Variants in RXRB observed in about 807,000 individuals in gnomAD.
The protein encoded by RXRB is retinoid X receptor beta.
A neutral mutation model predicts 52.5 loss-of-function variants in RXRB; 18 were observed. The observed-to-expected ratio is 0.34, with a 90% CI of 0.24 to 0.51. The LOEUF (loss-of-function observed/expected upper bound fraction) is 0.51. RXRB is among the 20% of genes least tolerant of loss of function. RXRB has a pLI of 0.97. For missense variants in RXRB, 455 were observed against 698.2 expected (o/e 0.65, Z 3.92); for synonymous variants, 233 against 267.1 (o/e 0.87, Z 1.25).
Position 33,197,669 on chromosome 6 carries a change from G to T in RXRB, c.820+93C>A. On this transcript the variant is annotated intron_variant, in intron 4 of 9. Transcript: ENST00000374680. The surrounding 1 kb of genome is among the most constrained non-coding windows in gnomAD (Gnocchi z 4.4). ...CAAATATCGCCCTCTAGAGGAGAGAGAGCAGTCCACCCTTCCAGAGAGGTA... is the reference window on the plus strand; with the variant it reads ...CAAATATCGCCCTCTAGAGGAGAGATAGCAGTCCACCCTTCCAGAGAGGTA... The T allele has an allele frequency of 8.6e-7, 1 of 1,162,606 alleles. No individual in the cohort carries two copies. Among genetic ancestry groups the T allele is most frequent in the South Asian group, 1.4e-5 (1 of 70,644 alleles). The allele number at this position is 1,162,606 out of a possible 1,614,324, so 72.0% of individuals were successfully genotyped here. A position where few individuals can be genotyped will look rare whatever the true frequency, so the allele number is the denominator to read the frequency against.
rs1277102011 is a variant in RXRB, at chr6:33,200,341, C to T, written c.136G>A (p.Ala46Thr). Residue 46 changes from alanine to threonine, a missense_variant, in exon 1 of 10, where the codon GCA (alanine) becomes ACA (threonine). Ala to Thr is a moderately conservative substitution (Grantham distance 58). This residue lies in a region of RXRB where 225 missense variants were observed against 258.6 expected (regional missense o/e 0.87). Coordinates refer to ENST00000374680, the MANE Select transcript of RXRB (RefSeq NM_021976.5). This position sits in a 1 kb window ranked among gnomAD's most constrained non-coding sequence, Gnocchi z 6.3. Reference protein sequence around the residue: ...WRRRRPWLDPAAAAAAAVAGG... With the variant: ...WRRRRPWLDPTAAAAAAVAGG... ...GCCACCGCCGCCGCCGCCGCCGCTGCGGGATCCAGCCAGGGCCGTCGCCGC... is the reference window on the plus strand; with the variant it reads ...GCCACCGCCGCCGCCGCCGCCGCTGTGGGATCCAGCCAGGGCCGTCGCCGC... The T allele has an allele frequency of 6.3e-7, 1 of 1,582,246 alleles. No homozygotes were observed. Among genetic ancestry groups the T allele is most frequent in the Non-Finnish European group, 8.6e-7 (1 of 1,167,266 alleles).
In RXRB at chr6:33,199,381, G is replaced by A; in HGVS notation, c.271C>T (p.Leu91Phe). ...RSPDSSSPNPLPQGVPPPSPP... is the reference protein window; with the variant it reads ...RSPDSSSPNPFPQGVPPPSPP... ...GAAGGGGGAGGGACTCCCTGGGGAA[G>A]GGGATTTGGGGAGGAGCTGTCTGGG... Residue 91 changes from leucine to phenylalanine, a missense_variant, in exon 2 of 10, where the codon CTT becomes TTT. Transcript: ENST00000374680. 1 of 1,249,994 alleles carries A rather than the reference G, an allele frequency of 8.0e-7. No individual in the cohort carries two copies. The highest frequency in any genetic ancestry group is 1.0e-6 in the Non-Finnish European group (1 of 988,310). The allele number at this position is 1,249,994 out of a possible 1,614,324, so 77.4% of individuals were successfully genotyped here. A position where few individuals can be genotyped will look rare whatever the true frequency, so the allele number is the denominator to read the frequency against.
In RXRB at chr6:33,195,939, G is replaced by A; in HGVS notation, c.1091C>T (p.Pro364Leu). The change falls in exon 6 of 10, where the codon CCT (proline) becomes CTT (leucine). Residue 364 changes from proline (P) to leucine (L), a missense_variant. Pro to Leu is a moderately conservative substitution (Grantham distance 98, BLOSUM62 -3). Coordinates refer to ENST00000374680, the MANE Select transcript of RXRB (RefSeq NM_021976.5). The surrounding 1 kb of genome is among the most constrained non-coding windows in gnomAD (Gnocchi z 8.6). ...AKRIPHFSSLPLDDQVILLRA... is the reference protein window; with the variant it reads ...AKRIPHFSSLLLDDQVILLRA... ...CAGCAATATGACCTGATCATCCAGA[G>A]GCAAGGAGGAAAAGTGTGGGATCCT... 2 of 1,612,970 alleles carry A rather than the reference G, an allele frequency of 1.2e-6. No homozygotes were observed. Among genetic ancestry groups the A allele is most frequent in the South Asian group, 1.1e-5 (1 of 91,076 alleles).
rs570121213 is a variant in RXRB at position 33,195,234 on chromosome 6, C to T, written c.1348+129G>A. On this transcript the variant is annotated intron_variant, in intron 8 of 9. Transcript: ENST00000374680. This position sits in a 1 kb window ranked among gnomAD's most constrained non-coding sequence, Gnocchi z 8.6. Reference sequence around the variant, plus strand: ...GGATCCGTGGATGTGGGTTTTTCCTCGGCCAGTTGGGAGATTTCCAGGTTG... The same window carrying T: ...GGATCCGTGGATGTGGGTTTTTCCTTGGCCAGTTGGGAGATTTCCAGGTTG... The T allele has an allele frequency of 2.8e-5, 22 of 785,986 alleles. No individual in the cohort carries two copies. Among genetic ancestry groups the T allele is most frequent in the African/African-American group, 1.7e-5 (1 of 58,816 alleles). 48.7% of individuals were successfully genotyped at this position (785,986 alleles called of 1,614,324 possible). A position where few individuals can be genotyped will look rare whatever the true frequency, so the allele number is the denominator to read the frequency against.
At position 33,193,819 on chromosome 6, in the gene RXRB, C is replaced by G. The variant is rs1429241350; in HGVS notation, c.*863G>C. On this transcript the variant is annotated 3_prime_UTR_variant, in exon 10 of 10. Coordinates refer to ENST00000374680, the MANE Select transcript of RXRB (RefSeq NM_021976.5). ...GGCCTCCGGGACTACACTCGTGAAA[C>G]CATCCCCTGTGGGGGCCCTGTCCTC... The G allele has an allele frequency of 6.6e-6, 1 of 152,234 alleles. No homozygotes were observed. Among genetic ancestry groups the G allele is most frequent in the African/African-American group, 2.4e-5 (1 of 41,440 alleles). 9.4% of individuals were successfully genotyped at this position (152,234 alleles called of 1,614,324 possible). A position where few individuals can be genotyped will look rare whatever the true frequency, so the allele number is the denominator to read the frequency against.
chr6:33,195,316 T>C lies in RXRB; in HGVS notation c.1348+47A>G, dbSNP rs769966416. The stretch of plus-strand genomic sequence containing the variant: ...TTAGGAGTCTCGGAGAAGAGGAGGC[T>C]CCAAGGTTGCCTTGGCCTTGAGAGA... On this transcript the variant is annotated intron_variant, in intron 8 of 9. Coordinates refer to ENST00000374680, the MANE Select transcript of RXRB (RefSeq NM_021976.5). This position sits in a 1 kb window ranked among gnomAD's most constrained non-coding sequence, Gnocchi z 8.6. 1 of 1,229,144 alleles carries C rather than the reference T, an allele frequency of 8.1e-7. No individual in the cohort carries two copies. The highest frequency in any genetic ancestry group is 2.3e-5 in the East Asian group (1 of 43,136). 76.1% of individuals were successfully genotyped at this position (1,229,144 alleles called of 1,614,324 possible).
intron 1 of RXRB, chr6:33,199,975 T>C (rs369405443): frequency 1.3e-6 from 1 of 755,548 alleles, no homozygotes; most frequent in Non-Finnish European, 2.4e-6. Context: ...ACGCCCAAAG[T>C]CCTGAGGTTT....
chr6:33,196,896 CTGAT>C lies in RXRB; in HGVS notation c.821-294_821-291del, dbSNP rs1181473514. Reference sequence around the variant, plus strand: ...CATGCCAAGATTCAACCTGAGAAAGCTGATTGAAAAAAAAAATTTTTTTAAATAA... The same window carrying C: ...CATGCCAAGATTCAACCTGAGAAAGCTGAAAAAAAAAATTTTTTTAAATAA... On this transcript the variant is annotated intron_variant, in intron 4 of 9. Coordinates refer to ENST00000374680, the MANE Select transcript of RXRB (RefSeq NM_021976.5). This position sits in a 1 kb window ranked among gnomAD's most constrained non-coding sequence, Gnocchi z 4.0. 2.0e-5 allele frequency among the ~76,000 whole-genome samples: 3 copies of C among 151,712 alleles called. No homozygotes were observed. Among genetic ancestry groups the C allele is most frequent in the Non-Finnish European group, 4.4e-5 (3 of 67,992 alleles).
Position 33,199,210 on chromosome 6 carries a change from G to C in RXRB, c.442C>G (p.Pro148Ala). ...GGCCCGGAGAATCCTGGGGGAGCTGGAGGGGGCAGACCAGGGGACCCCATG... is the reference window on the plus strand; with the variant it reads ...GGCCCGGAGAATCCTGGGGGAGCTGCAGGGGGCAGACCAGGGGACCCCATG... ...SSMGSPGLPP[P>A]APPGFSGPVS... Residue 148 changes from proline to alanine, a missense_variant, in exon 2 of 10, where the codon CCA becomes GCA. Physicochemically the swap from Pro to Ala is conservative, Grantham distance 27. Around this residue, in one of 4 missense-constraint regions of RXRB, gnomAD observed 225 missense variants for 258.6 expected, o/e 0.87. Transcript: ENST00000374680. The C allele has an allele frequency of 1.5e-6, 2 of 1,290,786 alleles. No individual in the cohort carries two copies. The highest frequency in any genetic ancestry group is 2.0e-6 in the Non-Finnish European group (2 of 1,012,388). 80.0% of individuals were successfully genotyped at this position (1,290,786 alleles called of 1,614,324 possible). A position where few individuals can be genotyped will look rare whatever the true frequency, so the allele number is the denominator to read the frequency against.
Position 33,195,403 on chromosome 6 carries a change from T to C in RXRB, c.1308A>G (p.Thr436=), listed in dbSNP as rs1773821549. 6.2e-7 allele frequency: 1 copy of C among 1,612,628 alleles called. No homozygotes were observed. The highest frequency in any genetic ancestry group is 1.7e-5 in the Admixed American group (1 of 60,010). ...TGATTGCCCTCAGGCAGCCAAGCTC[T>C]GTCTTGTCCATCCTCATGTCACGCA... ...SKMRDMRMDK[T]ELGCLRAIIL... is the part of the protein sequence containing the mutation. The change falls in exon 8 of 10, where the codon ACA becomes ACG. Residue 436 remains threonine (T), a synonymous_variant. Coordinates refer to ENST00000374680, the MANE Select transcript of RXRB (RefSeq NM_021976.5). The surrounding 1 kb of genome is among the most constrained non-coding windows in gnomAD (Gnocchi z 8.6).
chr6:33,198,654 C>T (rs949697160), intron 2 of RXRB, 190 bp from the exon 3 acceptor site: 6 of 710,718 alleles, frequency 8.4e-6, no homozygotes, highest in Non-Finnish European at 1.5e-5. Flanking sequence ...AACAGGCCCC[C>T]CCTGAAATTG....
rs139984085 is a variant in RXRB, at chr6:33,196,923, T to A, written c.821-317A>T. ...GATTGAAAAAAAAAATTTTTTTAAATAAAATATGCCAAGAAACATGCTAAG... is the reference window on the plus strand; with the variant it reads ...GATTGAAAAAAAAAATTTTTTTAAAAAAAATATGCCAAGAAACATGCTAAG... On this transcript the variant is annotated intron_variant, in intron 4 of 9. Transcript: ENST00000374680. This position sits in a 1 kb window ranked among gnomAD's most constrained non-coding sequence, Gnocchi z 4.0. Among the ~76,000 whole-genome samples, 696 of 152,286 alleles carry A rather than the reference T, an allele frequency of 4.6e-3. 2 individuals carry two copies. The highest frequency in any genetic ancestry group is 0.016 in the African/African-American group (661 of 41,544).
chr6:33,198,736 A>G (rs1250549845), intron 2 of RXRB: 1 of 591,626 alleles, frequency 1.7e-6, no homozygotes, highest in African/African-American at 1.9e-5. Flanking sequence ...AAAATCAGAT[A>G]GATGAAAAGG....
chr6:33,199,651 TAAA>T (rs1201925623), intron 1 of RXRB: 1 of 491,584 alleles, frequency 2.0e-6, no homozygotes, highest in African/African-American at 1.9e-5. Context: ...TTTGTGTCAC[TAAA>T]ATTGGTATAC....
rs745524933 is a variant in RXRB at position 33,194,853 on chromosome 6, G to T, written c.1455-24C>A. The T allele has an allele frequency of 1.6e-5, 26 of 1,612,440 alleles. No homozygotes were observed. The East Asian group carries it at 5.1e-4, about 32-fold the overall frequency. ...ACCTGGGGTGGAGGTGGGAGAAGGG[G>T]ATTGAGAGCTGGAAGCACACGGGCC... On this transcript the variant is annotated intron_variant, in intron 9 of 9. Coordinates refer to ENST00000374680, the MANE Select transcript of RXRB (RefSeq NM_021976.5). This position sits in a 1 kb window ranked among gnomAD's most constrained non-coding sequence, Gnocchi z 4.1.
chr6:33,196,466 C>G lies in RXRB; in HGVS notation c.961G>C (p.Gly321Arg). 1 of 1,613,074 alleles carries G rather than the reference C, an allele frequency of 6.2e-7. No homozygotes were observed. Among genetic ancestry groups the G allele is most frequent in the Non-Finnish European group, 8.5e-7 (1 of 1,180,028 alleles). The change falls in exon 5 of 10, where the codon GGT (glycine) becomes CGT (arginine). Residue 321 changes from glycine (G) to arginine (R), a missense_variant. By Grantham distance (125) the Gly-to-Arg change is moderately radical (BLOSUM62 -2). This residue lies in a region of RXRB where 100 missense variants were observed against 141.9 expected (regional missense o/e 0.70). Coordinates refer to ENST00000374680, the MANE Select transcript of RXRB (RefSeq NM_021976.5). The surrounding 1 kb of genome is among the most constrained non-coding windows in gnomAD (Gnocchi z 4.0). ...VEQKSDQGVE[G>R]PGGTGGSGSS... Reference sequence around the variant, plus strand: ...CCGCTACCCCCGGTTCCCCCAGGACCCTCAACGCCCTGGTCACTCTTCTGT... The same window carrying G: ...CCGCTACCCCCGGTTCCCCCAGGACGCTCAACGCCCTGGTCACTCTTCTGT...
rs779931081 is a variant in RXRB, at chr6:33,194,865, G to C, written c.1455-36C>G. 6.2e-7 allele frequency: 1 copy of C among 1,612,350 alleles called. No individual in the cohort carries two copies. The highest frequency in any genetic ancestry group is 1.7e-5 in the Admixed American group (1 of 59,996). ...GGTGGGAGAAGGGGATTGAGAGCTG[G>C]AAGCACACGGGCCCTGAACACATCC... On this transcript the variant is annotated intron_variant, in intron 9 of 9. Coordinates refer to ENST00000374680, the MANE Select transcript of RXRB (RefSeq NM_021976.5). This position sits in a 1 kb window ranked among gnomAD's most constrained non-coding sequence, Gnocchi z 4.1.
rs754861170 is a variant in RXRB at position 33,200,451 on chromosome 6, A to G, written c.26T>C (p.Phe9Ser). MSWAARPP[F>S]LPQRHAAGQC... ...CCCTGCGGCATGCCGCTGAGGGAGG[A>G]AGGGCGGGCGAGCGGCCCAAGACAT... The change falls in exon 1 of 10, where the codon TTC becomes TCC. Residue 9 changes from phenylalanine to serine, a missense_variant. Around this residue, in one of 4 missense-constraint regions of RXRB, gnomAD observed 225 missense variants for 258.6 expected, o/e 0.87. Transcript: ENST00000374680. This position sits in a 1 kb window ranked among gnomAD's most constrained non-coding sequence, Gnocchi z 6.3. The G allele has an allele frequency of 2.8e-4, 446 of 1,593,190 alleles. No individual in the cohort carries two copies. The highest frequency in any genetic ancestry group is 3.6e-4 in the Non-Finnish European group (426 of 1,172,130).
In RXRB at chr6:33,195,206, G is replaced by A; in HGVS notation, c.1349-156C>T. 1.3e-6 allele frequency: 1 copy of A among 766,132 alleles called. No homozygotes were observed. The highest frequency in any genetic ancestry group is 2.2e-6 in the Non-Finnish European group (1 of 448,374). 47.5% of individuals were successfully genotyped at this position (766,132 alleles called of 1,614,324 possible). On this transcript the variant is annotated intron_variant, in intron 8 of 9. Coordinates refer to ENST00000374680, the MANE Select transcript of RXRB (RefSeq NM_021976.5). The surrounding 1 kb of genome is among the most constrained non-coding windows in gnomAD (Gnocchi z 8.6). ...GAAGCAGGGCCCACTGGGTTTGTGG[G>A]ATGGATCCGTGGATGTGGGTTTTTC...
Sources: gnomAD v4.1 joint callset for allele counts (sites outside exome capture counted in the v4.1 genomes callset) on GRCh38, gnomAD v4.1.1 for gene constraint, gnomAD v4.1.1 regional missense constraint, Gnocchi (gnomAD v3.1) non-coding constraint, MANE v1.5 for transcripts, NCBI Gene and HGNC (gene_info 2026-07-23, HGNC 2026-07-21) for gene names.